PCDH15: variants seen among roughly 807,000 people sequenced by gnomAD.
PCDH15 encodes protocadherin related 15, also known as protocadherin-15.
In PCDH15, 129 loss-of-function variants were observed where a neutral mutation model predicts 178.5. That is an observed-to-expected ratio of 0.72 (90% CI 0.63 to 0.84). The LOEUF (loss-of-function observed/expected upper bound fraction) is 0.84. PCDH15 is among the 40% of genes least tolerant of loss of function. The probability of loss-of-function intolerance (pLI) is 0.00; values close to 1 mark genes in which losing one functional copy is unlikely to be tolerated. For synonymous variants in PCDH15, 800 were observed against 732.0 expected, an observed-to-expected ratio of 1.09 and a Z score of -1.50; for missense variants, 2,230 against 2,099.9, an observed-to-expected ratio of 1.06 and a Z score of -1.21.
intron 1 of PCDH15, among the ~76,000 whole-genome samples, chr10:54,705,744 A>C (rs1419188264): frequency 1.3e-5 from 2 of 152,180 alleles, no homozygotes; most frequent in Non-Finnish European, 2.9e-5. Flanking sequence ...TTACTTTCTC[A>C]AATATTACTT....
At chr10:55,305,604 T>C (rs1843401958) in intron 1 of PCDH15, among the ~76,000 whole-genome samples, 1 of 152,210 alleles carries the variant, frequency 6.6e-6, no homozygotes, top group African/African-American at 2.4e-5. Context: ...CTTAACATAA[T>C]GTCTGGGACA....
intron 14 of PCDH15, among the ~76,000 whole-genome samples, chr10:54,145,990 T>A (rs1564528118): frequency 6.6e-6 from 1 of 152,080 alleles, no homozygotes; most frequent in South Asian, 2.1e-4. Flanking sequence ...TACTGCTATC[T>A]GTCTAGATTT....
intron 2 of PCDH15, among the ~76,000 whole-genome samples, chr10:54,936,780 A>G (rs1837918108): frequency 6.7e-6 from 1 of 149,692 alleles, no homozygotes; most frequent in South Asian, 2.1e-4. Flanking sequence ...GTCTTTTATT[A>G]TATGTATAAT....
chr10:54,603,493 T>G (rs2092627269), intron 2 of PCDH15, among the ~76,000 whole-genome samples: 1 of 146,076 alleles, frequency 6.8e-6, no homozygotes, highest in African/African-American at 2.7e-5. Context: ...AGATGTTTCT[T>G]TTTTTTTTTC....
intron 2 of PCDH15, among the ~76,000 whole-genome samples, chr10:55,371,994 A>G (rs1283564155): frequency 6.6e-6 from 1 of 152,142 alleles, no homozygotes; most frequent in African/African-American, 2.4e-5. Context: ...GCTCAACTTC[A>G]AACAGATTCA....
At chr10:55,441,905 A>G (rs1336241709) in intron 2 of PCDH15, among the ~76,000 whole-genome samples, 3 of 151,902 alleles carry the variant, frequency 2.0e-5, no homozygotes, top group Non-Finnish European at 2.9e-5. Flanking sequence ...AGTTGGGCAC[A>G]CACAGAGAGC....
At chr10:55,205,840 G>A (rs899203145) in intron 1 of PCDH15, among the ~76,000 whole-genome samples, 1 of 151,994 alleles carries the variant, frequency 6.6e-6, no homozygotes, top group Non-Finnish European at 1.5e-5. Context: ...TTGAACTTAC[G>A]GTTCCACATG....
At chr10:54,286,519 T>C (rs1025984291) in intron 8 of PCDH15, among the ~76,000 whole-genome samples, 7 of 152,212 alleles carry the variant, frequency 4.6e-5, no homozygotes, top group East Asian at 1.9e-4. Flanking sequence ...AGCAATGATG[T>C]AATGAACACA....
intron 2 of PCDH15, among the ~76,000 whole-genome samples, chr10:55,125,728 AG>A (rs1837882298): frequency 6.6e-6 from 1 of 152,042 alleles, no homozygotes; most frequent in Non-Finnish European, 1.5e-5. Flanking sequence ...AAACAGCATC[AG>A]TTTTTTTGTT....
chr10:54,205,607 G>T (rs2050722086), intron 10 of PCDH15, among the ~76,000 whole-genome samples: 1 of 150,898 alleles, frequency 6.6e-6, no homozygotes, highest in South Asian at 2.1e-4. Flanking sequence ...TTAGGTTTTT[G>T]CCATTAAAAG....
At chr10:54,433,969 A>C (rs2075199768) in intron 3 of PCDH15, among the ~76,000 whole-genome samples, 1 of 152,192 alleles carries the variant, frequency 6.6e-6, no homozygotes, top group African/African-American at 2.4e-5. Context: ...TGCCCCAAAC[A>C]CCTTTCATTG....
intron 2 of PCDH15, among the ~76,000 whole-genome samples, chr10:54,538,682 C>G (rs1289265141): frequency 6.6e-6 from 1 of 152,078 alleles, no homozygotes; most frequent in Non-Finnish European, 1.5e-5. Context: ...CCTTGCTGTT[C>G]TTGTGATAGT....
intron 3 of PCDH15, among the ~76,000 whole-genome samples, chr10:54,819,782 G>T (rs904834459): frequency 6.6e-6 from 1 of 151,904 alleles, no homozygotes; most frequent in African/African-American, 2.4e-5. Context: ...TTGGAAAGTG[G>T]TAAGTTCAAT....
chr10:55,369,033 A>AAT (rs1845431862), intron 2 of PCDH15, among the ~76,000 whole-genome samples: 1 of 144,188 alleles, frequency 6.9e-6, no homozygotes, highest in Non-Finnish European at 1.5e-5. Flanking sequence ...AAAAAAAAAA[A>AAT]CCCCAGCAAG....
At chr10:53,853,004 C>A (rs2078486713) in intron 28 of PCDH15, among the ~76,000 whole-genome samples, 1 of 151,996 alleles carries the variant, frequency 6.6e-6, no homozygotes, top group Admixed American at 6.6e-5. Context: ...ATAGGGGGAG[C>A]ACTGGGGCTT....
chr10:54,174,929 A>G (rs527461524), intron 13 of PCDH15, among the ~76,000 whole-genome samples: 28 of 152,204 alleles, frequency 1.8e-4, no homozygotes, highest in Non-Finnish European at 3.1e-4. Flanking sequence ...AATAACCTGT[A>G]TAAGTTCAGA....
intron 35 of PCDH15, among the ~76,000 whole-genome samples, chr10:53,813,315 C>G (rs904505362): frequency 2.6e-5 from 4 of 152,096 alleles, no homozygotes; most frequent in African/African-American, 9.7e-5. Flanking sequence ...TAGGTATTGA[C>G]GCTTGCATTA....
At chr10:55,543,558 A>G (rs1841810720) in intron 2 of PCDH15, among the ~76,000 whole-genome samples, 1 of 151,608 alleles carries the variant, frequency 6.6e-6, no homozygotes, top group African/African-American at 2.4e-5. Context: ...GATATTTAAC[A>G]GATAACAAAA....
At chr10:55,463,016 C>T (rs897401403) in intron 2 of PCDH15, among the ~76,000 whole-genome samples, 1 of 150,864 alleles carries the variant, frequency 6.6e-6, no homozygotes, top group East Asian at 2.0e-4. Context: ...CCACATTAAT[C>T]TCTTTGTATG....
Sources: gnomAD v4.1 joint callset for allele counts (sites outside exome capture counted in the v4.1 genomes callset) on GRCh38, gnomAD v4.1.1 for gene constraint, MANE v1.5 for transcripts, NCBI Gene and HGNC (gene_info 2026-07-23, HGNC 2026-07-21) for gene names.